Variants in CFAP54 observed in about 807,000 individuals in gnomAD.
CFAP54 encodes the protein cilia- and flagella-associated protein 54.
A neutral mutation model predicts 370.4 loss-of-function variants in CFAP54; 290 were observed. That is an observed-to-expected ratio of 0.78 (90% CI 0.71 to 0.86). CFAP54 has a LOEUF of 0.86. Among genes scored for constraint, CFAP54 ranks in the 40% least tolerant of loss-of-function variants. The pLI, the probability that CFAP54 is intolerant of heterozygous loss-of-function variation, is 0.00. For synonymous variants in CFAP54, 1,206 were observed against 1,236.5 expected (o/e 0.98, Z 0.52); for missense variants, 3,399 against 3,528.7 (o/e 0.96, Z 0.93).
chr12:96,817,973 C>T, intron 65 of CFAP54, 60 bp downstream of exon 65: 1 of 1,197,110 alleles, frequency 8.4e-7, no homozygotes, highest in South Asian at 1.9e-5. Context: ...ATCCTCAAAG[C>T]AGAACTATGT....
chr12:96,666,991 C>A (rs1484600663), intron 39 of CFAP54, among the ~76,000 whole-genome samples: 1 of 152,148 alleles, frequency 6.6e-6, no homozygotes, highest in Non-Finnish European at 1.5e-5. Context: ...ACACCCATTC[C>A]AAATGGAGAA....
intron 31 of CFAP54, 141 bp downstream of exon 31, chr12:96,630,345 C>G: frequency 1.6e-6 from 1 of 607,816 alleles, no homozygotes; most frequent in Non-Finnish European, 2.7e-6. Flanking sequence ...TTACACAATA[C>G]AACTTTTAGA....
intron 17 of CFAP54, among the ~76,000 whole-genome samples, chr12:96,558,636 G>T (rs1955781556): frequency 6.6e-6 from 1 of 152,072 alleles, no homozygotes; most frequent in South Asian, 2.1e-4. Flanking sequence ...AGAAAAGACA[G>T]TCTTTTCAAT....
In CFAP54 at chr12:96,685,095, G is replaced by GT; in HGVS notation, c.5872dup (p.Trp1958LeufsTer25). 1 of 1,614,084 alleles carries GT rather than the reference G, an allele frequency of 6.2e-7. No homozygotes were observed. ...TCAGAAAACCAGACGTGCTACACAC[G>GT]TGGAAAGAATTTGGCCCCTCACTCA... is the stretch of plus-strand genomic sequence containing the variant. On this transcript the variant is annotated frameshift_variant, in exon 42 of 68. Transcript: ENST00000524981. LOFTEE classifies it high-confidence loss of function.
At chr12:96,718,659 C>T (rs182307982) in intron 49 of CFAP54, 137 bp downstream of exon 49, 62 of 573,654 alleles carry the variant, frequency 1.1e-4, no homozygotes, top group African/African-American at 8.7e-4. Context: ...TGGGTTGGAG[C>T]CAGAGGTGGA....
intron 32 of CFAP54, among the ~76,000 whole-genome samples, chr12:96,642,016 C>T (rs1956736001): frequency 2.0e-5 from 3 of 150,570 alleles, no homozygotes; most frequent in Admixed American, 2.0e-4. Context: ...CAACATGGCA[C>T]ATGTATACAT....
intron 3 of CFAP54, among the ~76,000 whole-genome samples, chr12:96,505,664 G>A (rs1416866520): frequency 6.6e-6 from 1 of 151,730 alleles, no homozygotes; most frequent in Non-Finnish European, 1.5e-5. Context: ...CATCATGCCT[G>A]GCTAATTTTT....
intron 60 of CFAP54, among the ~76,000 whole-genome samples, chr12:96,775,703 C>T (rs1340690283): frequency 1.3e-5 from 2 of 152,096 alleles, no homozygotes; most frequent in Non-Finnish European, 2.9e-5. Context: ...CAAGATGTTA[C>T]TTGGACTATG....
At chr12:96,609,047 A>G (rs1956329132) in intron 26 of CFAP54, among the ~76,000 whole-genome samples, 1 of 152,220 alleles carries the variant, frequency 6.6e-6, no homozygotes, top group Non-Finnish European at 1.5e-5. Context: ...ACGATGACAA[A>G]CAATGCTTGA....
chr12:96,712,910 T>A lies in CFAP54; in HGVS notation c.6724+4107T>A, dbSNP rs564219423. Among the ~76,000 whole-genome samples, 20 of 152,178 alleles carry A rather than the reference T, an allele frequency of 1.3e-4. No individual in the cohort carries two copies. In the East Asian group the frequency reaches 1.7e-3, roughly 13 times the overall value. ...TAGATATTTATCAAAAGAAGACATA[T>A]AAATGGCCAAAAAGCATATGAGAAA... On this transcript the variant is annotated intron_variant, in intron 48 of 67. Coordinates refer to ENST00000524981, the MANE Select transcript of CFAP54 (RefSeq NM_001306084.2).
intron 50 of CFAP54, among the ~76,000 whole-genome samples, chr12:96,728,814 G>A (rs10745772): frequency 0.86 from 130,988 of 151,994 alleles, 56,848 homozygotes; most frequent in African/African-American, 0.96. Flanking sequence ...GGTTTTATCT[G>A]CTTTGGGTCT....
intron 12 of CFAP54, among the ~76,000 whole-genome samples, chr12:96,536,583 A>G (rs1362188104): frequency 6.6e-6 from 1 of 151,522 alleles, no homozygotes; most frequent in African/African-American, 2.4e-5. Flanking sequence ...TTAAAAAGGT[A>G]GGGAACTTTC....
intron 60 of CFAP54, among the ~76,000 whole-genome samples, chr12:96,770,863 C>T (rs945360677): frequency 6.6e-6 from 1 of 152,222 alleles, no homozygotes; most frequent in South Asian, 2.1e-4. Context: ...ATTCTAAAGG[C>T]TCTGCTGTTA....
intron 56 of CFAP54, among the ~76,000 whole-genome samples, chr12:96,754,553 AT>A (rs1427194852): frequency 3.3e-5 from 5 of 152,126 alleles, no homozygotes; most frequent in Non-Finnish European, 7.4e-5. Flanking sequence ...GATGAGGAAA[AT>A]TAGGTGCGGT....
chr12:96,748,002 C>T (rs530532634), intron 55 of CFAP54, among the ~76,000 whole-genome samples: 9 of 151,958 alleles, frequency 5.9e-5, no homozygotes, highest in African/African-American at 2.2e-4. Context: ...TTGTACTTTT[C>T]CTTTCCCAGT....
At chr12:96,629,407 C>G (rs971186583) in intron 30 of CFAP54, among the ~76,000 whole-genome samples, 2 of 151,926 alleles carry the variant, frequency 1.3e-5, no homozygotes, top group African/African-American at 4.8e-5. Context: ...GAGTTCACAC[C>G]ATTTTCCTGC....
rs1592700048 is a variant in CFAP54, at chr12:96,670,651, G to C, written c.5563+6719G>C. Among the ~76,000 whole-genome samples, 5 of 152,294 alleles carry C rather than the reference G, an allele frequency of 3.3e-5. No individual in the cohort carries two copies. The South Asian group carries it at 1.0e-3, about 32-fold the overall frequency. ...AGGACTTGAAAGAGATTGGGATGAG[G>C]CCTAAGAGCTGGGAAATGTAACAGG... is the stretch of plus-strand genomic sequence containing the variant. On this transcript the variant is annotated intron_variant, in intron 39 of 67. Transcript: ENST00000524981.
At chr12:96,737,496 GTT>G (rs398039990) in intron 50 of CFAP54, among the ~76,000 whole-genome samples, 1 of 143,508 alleles carries the variant, frequency 7.0e-6, no homozygotes, top group Non-Finnish European at 1.5e-5. Flanking sequence ...TATATGTTTT[GTT>G]TTTTTTTTTG....
rs773055128 is a variant in CFAP54 at position 96,756,465 on chromosome 12, A to G, written c.7848A>G (p.Ile2616Met). 1.3e-5 allele frequency: 21 copies of G among 1,583,396 alleles called. No individual in the cohort carries two copies. In the South Asian group the frequency reaches 2.1e-4, roughly 16 times the overall value. ...ATCTTTTTCTTCTTTCAGGCAAAAT[A>G]GAACGTCAAATACTAATGGAAGAGA... ...EAEILFQKGKIERQILMEEKS... is the reference protein window; with the variant it reads ...EAEILFQKGKMERQILMEEKS... Residue 2616 changes from isoleucine to methionine, a missense_variant, in exon 57 of 68, where the codon ATA (isoleucine) becomes ATG (methionine). Ile to Met is a conservative substitution (Grantham distance 10). Around this residue, in one of 3 missense-constraint regions of CFAP54, gnomAD observed 2,796 missense variants for 2,869.7 expected, o/e 0.97. Transcript: ENST00000524981.
Sources: allele counts gnomAD v4.1 joint callset (sites outside exome capture counted in the v4.1 genomes callset), GRCh38; gene constraint gnomAD v4.1.1; regional missense constraint gnomAD v4.1.1; transcripts MANE v1.5; gene names NCBI Gene and HGNC (gene_info 2026-07-23, HGNC 2026-07-21).